ANXA7: variants seen among roughly 807,000 people sequenced by gnomAD.
The protein encoded by ANXA7 is annexin A7, also known as annexin VII.
ANXA7 carries 55 observed loss-of-function variants against 64.9 expected under a neutral mutation model. That is an observed-to-expected ratio of 0.85 (90% CI 0.68 to 1.06). The LOEUF (loss-of-function observed/expected upper bound fraction) is 1.06. Among genes scored for constraint, ANXA7 ranks in the 50% least tolerant of loss-of-function variants. The pLI, the probability that ANXA7 is intolerant of heterozygous loss-of-function variation, is 0.00. For missense variants in ANXA7, 548 were observed against 582.1 expected, an observed-to-expected ratio of 0.94 and a Z score of 0.60; for synonymous variants, 200 against 192.4, an observed-to-expected ratio of 1.04 and a Z score of -0.33.
intron 9 of ANXA7, among the ~76,000 whole-genome samples, chr10:73,380,896 A>C (rs570998670): frequency 1.4e-4 from 22 of 152,258 alleles, no homozygotes; most frequent in African/African-American, 5.3e-4. Context: ...GACATTAAGC[A>C]CTTTCTTTGT....
At chr10:73,379,648 T>C (rs766224430) in intron 11 of ANXA7, among the ~76,000 whole-genome samples, 1 of 152,194 alleles carries the variant, frequency 6.6e-6, no homozygotes, top group African/African-American at 2.4e-5. Context: ...ACAGCCCTGT[T>C]TGATCACAGA....
intron 5 of ANXA7, among the ~76,000 whole-genome samples, chr10:73,392,829 A>G (rs529629369): frequency 6.6e-6 from 1 of 152,264 alleles, no homozygotes; most frequent in African/African-American, 2.4e-5. Flanking sequence ...CCTATTCAAC[A>G]TAGTGTTGGA....
chr10:73,412,241 T>C (rs1337070610), intron 1 of ANXA7, among the ~76,000 whole-genome samples: 1 of 151,746 alleles, frequency 6.6e-6, no homozygotes, highest in Admixed American at 6.6e-5. Context: ...TTCACCGTGT[T>C]AGTCAGGATG....
intron 5 of ANXA7, among the ~76,000 whole-genome samples, chr10:73,390,080 G>T (rs1161010970): frequency 6.6e-6 from 1 of 152,158 alleles, no homozygotes; most frequent in Non-Finnish European, 1.5e-5. Context: ...TAAAATAAGT[G>T]TTTTCACTGC....
chr10:73,383,039 T>G, intron 9 of ANXA7, 136 bp downstream of exon 9: 1 of 709,190 alleles, frequency 1.4e-6, no homozygotes, highest in Non-Finnish European at 2.2e-6. Flanking sequence ...TGTACACTGG[T>G]TTCTGTGTTG....
At chr10:73,395,537 T>A (rs7080401) in intron 5 of ANXA7, among the ~76,000 whole-genome samples, 15,887 of 152,048 alleles carry the variant, frequency 0.1, 1,179 homozygotes, top group East Asian at 0.3. Flanking sequence ...TAATCCCAGC[T>A]CTTTGGGAGG....
chr10:73,381,137 C>T (rs945685905), intron 9 of ANXA7, among the ~76,000 whole-genome samples: 1 of 152,014 alleles, frequency 6.6e-6, no homozygotes, highest in Non-Finnish European at 1.5e-5. Flanking sequence ...CTCCTGGGTT[C>T]AAGTGATCCT....
At chr10:73,389,668 C>T (rs1407939766) in intron 5 of ANXA7, among the ~76,000 whole-genome samples, 1 of 152,194 alleles carries the variant, frequency 6.6e-6, no homozygotes, top group African/African-American at 2.4e-5. Context: ...CTCTGTTGTT[C>T]AGGCTGGAGT....
intron 5 of ANXA7, among the ~76,000 whole-genome samples, chr10:73,389,759 A>G (rs747490906): frequency 9.2e-5 from 14 of 152,236 alleles, no homozygotes; most frequent in Non-Finnish European, 1.8e-4. Flanking sequence ...CTGAGTAGCT[A>G]GCACTACAGC....
intron 11 of ANXA7, 133 bp from the exon 12 acceptor site, chr10:73,379,156 A>T (rs2055233519): frequency 6.9e-6 from 4 of 583,086 alleles, no homozygotes; most frequent in Non-Finnish European, 1.1e-5. Flanking sequence ...GGGTGAGTTA[A>T]GAGTGTTCAG....
intron 12 of ANXA7, among the ~76,000 whole-genome samples, chr10:73,377,904 C>CGTGTGTGTGTGTGT (rs141696096): frequency 1.7e-5 from 2 of 119,328 alleles, no homozygotes; most frequent in African/African-American, 6.2e-5. Context: ...CACGCCCCGG[C>CGTGTGTGTGTGTGT]GTGTGTGTGT....
At chr10:73,381,418 C>T (rs2132654430) in intron 9 of ANXA7, 1 of 152,156 alleles carries the variant, frequency 6.6e-6, no homozygotes, top group Non-Finnish European at 1.5e-5. Context: ...GAAAGACAAA[C>T]CCAAACAAGA....
intron 1 of ANXA7, among the ~76,000 whole-genome samples, chr10:73,403,416 A>G (rs1043496428): frequency 8.5e-5 from 13 of 152,132 alleles, no homozygotes; most frequent in Non-Finnish European, 8.8e-5. Context: ...TGAGCCCAAG[A>G]CTTCAAGGCT....
intron 7 of ANXA7, among the ~76,000 whole-genome samples, chr10:73,385,432 A>G (rs2055351947): frequency 6.6e-6 from 1 of 152,226 alleles, no homozygotes; most frequent in African/African-American, 2.4e-5. Context: ...AAAGTAGACA[A>G]AAGAAACATT....
chr10:73,395,523 C>T (rs2055555091), intron 5 of ANXA7, among the ~76,000 whole-genome samples: 2 of 152,134 alleles, frequency 1.3e-5, no homozygotes, highest in South Asian at 4.1e-4. Context: ...GTGGCTCATG[C>T]CTGTAATCCC....
chr10:73,380,171 G>C lies in ANXA7; in HGVS notation c.949C>G (p.His317Asp). The C allele has an allele frequency of 2.5e-6, 4 of 1,613,838 alleles. No homozygotes were observed. Among genetic ancestry groups the C allele is most frequent in the Non-Finnish European group, 3.4e-6 (4 of 1,179,952 alleles). The change falls in exon 10 of 13, where the codon CAC (histidine) becomes GAC (aspartate). Residue 317 changes from histidine to aspartate, a missense_variant. By Grantham distance (81) the His-to-Asp change is moderately conservative. Transcript: ENST00000372921. ...TGAGCATCTTCCTGAGCCATTTGGT[G>C]GTTTATACTCTGGTTCTCATCACGA... The part of the protein sequence containing the change: ...GNRDENQSIN[H>D]QMAQEDAQRL...
chr10:73,407,595 C>A (rs1400000967), intron 1 of ANXA7, among the ~76,000 whole-genome samples: 5 of 152,190 alleles, frequency 3.3e-5, no homozygotes, highest in African/African-American at 1.2e-4. Flanking sequence ...TGGCACTTTT[C>A]ATCAATACAG....
chr10:73,390,719 TAAAA>T (rs1356038950), intron 5 of ANXA7, among the ~76,000 whole-genome samples: 17 of 111,906 alleles, frequency 1.5e-4, no homozygotes, highest in African/African-American at 6.8e-4. Flanking sequence ...TATATATATA[TAAAA>T]ATATATATAT....
In ANXA7 at chr10:73,398,256, C is replaced by T; in HGVS notation, c.184G>A (p.Ala62Thr). ...CCAGGGGCTGGATAACCTCCAGGCG[C>T]AGGGTAGCCTCCAGCTCCTGGGTAG... is the stretch of plus-strand genomic sequence containing the variant. ...SGYPGAGGYP[A>T]PGGYPAPGGY... The change falls in exon 3 of 13, where the codon GCG (alanine) becomes ACG (threonine). Residue 62 changes from alanine to threonine, a missense_variant. Ala to Thr is a moderately conservative substitution (Grantham distance 58). Coordinates refer to ENST00000372921, the MANE Select transcript of ANXA7 (RefSeq NM_001156.5). 6.2e-7 allele frequency: 1 copy of T among 1,614,032 alleles called. No individual in the cohort carries two copies. Among genetic ancestry groups the T allele is most frequent in the Non-Finnish European group, 8.5e-7 (1 of 1,180,026 alleles).
Sources: gnomAD v4.1 joint callset for allele counts (sites outside exome capture counted in the v4.1 genomes callset) on GRCh38, gnomAD v4.1.1 for gene constraint, MANE v1.5 for transcripts, NCBI Gene and HGNC (gene_info 2026-07-23, HGNC 2026-07-21) for gene names.